Variants in IL1RL1 observed in about 807,000 individuals in gnomAD.
IL1RL1 encodes interleukin 1 receptor like 1.
IL1RL1 carries 32 observed loss-of-function variants against 50.9 expected under a neutral mutation model. The ratio of observed to expected loss-of-function variants is 0.63; its 90% CI spans 0.47 to 0.84. The LOEUF is 0.84. Among genes scored for constraint, IL1RL1 ranks in the 40% least tolerant of loss-of-function variants. The probability of loss-of-function intolerance (pLI) is 0.00; values close to 1 mark genes in which losing one functional copy is unlikely to be tolerated. For synonymous variants in IL1RL1, 275 were observed against 236.0 expected, an observed-to-expected ratio of 1.17 and a Z score of -1.51; for missense variants, 773 against 662.9, an observed-to-expected ratio of 1.17 and a Z score of -1.82.
At chr2:102,350,305 A>G (rs1432957551) in intron 10 of IL1RL1, among the ~76,000 whole-genome samples, 3 of 152,164 alleles carry the variant, frequency 2.0e-5, no homozygotes, top group African/African-American at 7.2e-5. Flanking sequence ...CAAGCTCTTC[A>G]CCTCTTCTTT....
At chr2:102,330,616 C>G (rs1231386281) in intron 1 of IL1RL1, among the ~76,000 whole-genome samples, 4 of 152,164 alleles carry the variant, frequency 2.6e-5, no homozygotes, top group Non-Finnish European at 5.9e-5. Context: ...AATATCAGTA[C>G]AAGTCTTTTC....
intron 1 of IL1RL1, among the ~76,000 whole-genome samples, chr2:102,328,697 T>A (rs376915450): frequency 6.6e-6 from 1 of 152,120 alleles, no homozygotes; most frequent in African/African-American, 2.4e-5. Context: ...TATACACCAA[T>A]AACAGACAAA....
At chr2:102,331,056 T>C (rs1303005432) in intron 1 of IL1RL1, among the ~76,000 whole-genome samples, 2 of 152,232 alleles carry the variant, frequency 1.3e-5, no homozygotes, top group Admixed American at 1.3e-4. Context: ...TTACTATATA[T>C]TTTTGAGTCT....
chr2:102,346,412 A>G (rs1333837962), intron 8 of IL1RL1, among the ~76,000 whole-genome samples: 1 of 152,250 alleles, frequency 6.6e-6, no homozygotes, highest in African/African-American at 2.4e-5. Context: ...TCCTAGCTAT[A>G]TGTGTATACA....
At chr2:102,319,392 G>C (rs1299847583) in intron 1 of IL1RL1, among the ~76,000 whole-genome samples, 1 of 152,016 alleles carries the variant, frequency 6.6e-6, no homozygotes, top group African/African-American at 2.4e-5. Flanking sequence ...TTGTCAATGA[G>C]AACAATTATT....
intron 1 of IL1RL1, among the ~76,000 whole-genome samples, chr2:102,322,737 T>C (rs989590764): frequency 6.6e-6 from 1 of 152,238 alleles, no homozygotes; most frequent in Non-Finnish European, 1.5e-5. Flanking sequence ...CCATGTATCA[T>C]CATCCATATC....
intron 1 of IL1RL1, among the ~76,000 whole-genome samples, chr2:102,330,690 T>C (rs1677151401): frequency 6.6e-6 from 1 of 152,246 alleles, no homozygotes; most frequent in Non-Finnish European, 1.5e-5. Context: ...ATTTATGAAG[T>C]ATAGATACAA....
intron 9 of IL1RL1, among the ~76,000 whole-genome samples, chr2:102,348,847 G>C (rs1677851806): frequency 6.6e-6 from 1 of 152,112 alleles, no homozygotes; most frequent in African/African-American, 2.4e-5. Flanking sequence ...CCACTTTTTT[G>C]TTATTTAGTC....
At chr2:102,328,703 A>G (rs1304439582) in intron 1 of IL1RL1, among the ~76,000 whole-genome samples, 3 of 152,208 alleles carry the variant, frequency 2.0e-5, no homozygotes, top group African/African-American at 4.8e-5. Context: ...CCAATAACAG[A>G]CAAACAGCCA....
chr2:102,351,488 T>G (rs1677928423), intron 10 of IL1RL1, 48 bp from the exon 11 acceptor site: 18 of 1,510,616 alleles, frequency 1.2e-5, no homozygotes, highest in Non-Finnish European at 1.6e-5. Flanking sequence ...TGTTTATGTT[T>G]AAAGCATTAG....
chr2:102,341,372 T>C, intron 5 of IL1RL1: 1 of 1,162,770 alleles, frequency 8.6e-7, no homozygotes, highest in Non-Finnish European at 1.1e-6. Flanking sequence ...GTCACTTCAT[T>C]CTAAAAATGT....
chr2:102,329,063 G>T (rs1469705495), intron 1 of IL1RL1, among the ~76,000 whole-genome samples: 1 of 152,130 alleles, frequency 6.6e-6, no homozygotes, highest in Admixed American at 6.5e-5. Context: ...AAAGCTGGAG[G>T]CATCACGCTA....
At chr2:102,341,854 T>C (rs1303240953) in intron 5 of IL1RL1, among the ~76,000 whole-genome samples, 1 of 152,202 alleles carries the variant, frequency 6.6e-6, no homozygotes, top group Non-Finnish European at 1.5e-5. Context: ...TTTATTATTT[T>C]CATGGGTCTT....
At chr2:102,325,775 A>C (rs1275325062) in intron 1 of IL1RL1, among the ~76,000 whole-genome samples, 2 of 152,234 alleles carry the variant, frequency 1.3e-5, no homozygotes, top group Non-Finnish European at 2.9e-5. Flanking sequence ...AAATGAATGA[A>C]ACGAAGTGAG....
chr2:102,321,251 T>A (rs886896810), intron 1 of IL1RL1, among the ~76,000 whole-genome samples: 1 of 152,276 alleles, frequency 6.6e-6, no homozygotes, highest in Non-Finnish European at 1.5e-5. Flanking sequence ...AACTTTTTTT[T>A]ATTTCTTTAT....
intron 8 of IL1RL1, chr2:102,344,505 T>C (rs1163529411): frequency 3.8e-6 from 1 of 266,666 alleles, no homozygotes; most frequent in Non-Finnish European, 5.8e-6. Context: ...GTTTGCAGTA[T>C]ACACACTTTC....
intron 8 of IL1RL1, chr2:102,345,556 C>A: frequency 1.0e-6 from 1 of 985,458 alleles, no homozygotes; most frequent in Non-Finnish European, 1.2e-6. Context: ...CAGAGAGAGG[C>A]ACAACAGGAG....
chr2:102,348,182 G>A (rs561758279), intron 9 of IL1RL1, 91 bp downstream of exon 9: 6 of 1,004,372 alleles, frequency 6.0e-6, no homozygotes, highest in Non-Finnish European at 8.9e-6. Context: ...TAGCTAGGCT[G>A]CTAAGCCCAG....
rs1481660319 is a variant in IL1RL1 at position 102,340,517 on chromosome 2, G to A, written c.448-149G>A. 6.3e-6 allele frequency: 5 copies of A among 791,010 alleles called. No individual in the cohort carries two copies. In the East Asian group the frequency reaches 1.1e-4, roughly 18 times the overall value. The allele number at this position is 791,010 out of a possible 1,614,324, so 49.0% of individuals were successfully genotyped here. A position where few individuals can be genotyped will look rare whatever the true frequency, so the allele number is the denominator to read the frequency against. On this transcript the variant is annotated intron_variant, in intron 4 of 10. Coordinates refer to ENST00000233954, the MANE Select transcript of IL1RL1 (RefSeq NM_016232.5). ...AATCCCAGCAGCTTGGGAGGCTGAG[G>A]TATGAAAATCACTTGAACCTAGAAG...
Sources: allele counts gnomAD v4.1 joint callset (sites outside exome capture counted in the v4.1 genomes callset), GRCh38; gene constraint gnomAD v4.1.1; transcripts MANE v1.5; gene names NCBI Gene and HGNC (gene_info 2026-07-23, HGNC 2026-07-21).